Variants in RPGRIP1L observed in about 807,000 individuals in gnomAD.
The protein encoded by RPGRIP1L is RPGRIP1 like.
Under a neutral mutation model 160.4 loss-of-function variants are expected in RPGRIP1L, and 131 were observed. That is an observed-to-expected ratio of 0.82 (90% CI 0.71 to 0.94). The LOEUF (loss-of-function observed/expected upper bound fraction) is 0.94, where lower values mean the gene tolerates loss of function less well. Ranked by LOEUF, RPGRIP1L falls within the 40% of genes least tolerant of loss-of-function variation. RPGRIP1L has a pLI of 0.00. For missense variants in RPGRIP1L, 1,522 were observed against 1,535.8 expected, an observed-to-expected ratio of 0.99 and a Z score of 0.15; for synonymous variants, 510 against 515.8, an observed-to-expected ratio of 0.99 and a Z score of 0.15.
At position 53,656,607 on chromosome 16, in the gene RPGRIP1L, A is replaced by G; in HGVS notation, c.1582-18T>C. The G allele has an allele frequency of 6.9e-7, 1 of 1,453,780 alleles. No individual in the cohort carries two copies. The highest frequency in any genetic ancestry group is 1.1e-5 in the South Asian group (1 of 87,992). The allele number at this position is 1,453,780 out of a possible 1,614,324, so 90.1% of individuals were successfully genotyped here. A position where few individuals can be genotyped will look rare whatever the true frequency, so the allele number is the denominator to read the frequency against. On this transcript the variant is annotated intron_variant, in intron 13 of 26. Transcript: ENST00000647211. ...ACCTCCATCTACAAAATAAGGGAAA[A>G]TAAGTTTTAATACTTATGATTAGTT...
intron 15 of RPGRIP1L, among the ~76,000 whole-genome samples, chr16:53,649,459 T>G (rs1398876486): frequency 6.6e-6 from 1 of 152,176 alleles, no homozygotes; most frequent in Admixed American, 6.5e-5. Context: ...GTATAATACT[T>G]TTTTTAAACA....
intron 10 of RPGRIP1L, chr16:53,659,198 T>C (rs1967548455): frequency 1.0e-6 from 1 of 980,806 alleles, no homozygotes; most frequent in Non-Finnish European, 1.2e-6. Flanking sequence ...TTTCAAAATC[T>C]GTGATTTTTT....
intron 2 of RPGRIP1L, among the ~76,000 whole-genome samples, chr16:53,699,395 A>AAG (rs1279534471): frequency 6.6e-6 from 1 of 151,112 alleles, no homozygotes; most frequent in African/African-American, 2.4e-5. Context: ...ATAAAAAAAA[A>AAG]AAAAAAAAAA....
chr16:53,689,760 T>C (rs1013692955), intron 4 of RPGRIP1L, among the ~76,000 whole-genome samples: 1 of 152,240 alleles, frequency 6.6e-6, no homozygotes, highest in East Asian at 1.9e-4. Flanking sequence ...GTTTTGGTAA[T>C]GATGCTTCAG....
Position 53,665,031 on chromosome 16 carries a change from C to T in RPGRIP1L, c.1104-22G>A, listed in dbSNP as rs1446249081. 5.0e-6 allele frequency: 8 copies of T among 1,613,002 alleles called. 1 individual carries two copies. In the South Asian group the frequency reaches 8.8e-5, roughly 18 times the overall value. On this transcript the variant is annotated intron_variant, in intron 9 of 26. Transcript: ENST00000647211. ...GGCACTGCAAAACACACGTGACATG[C>T]AAGGAAAGCTTGGAAATCAGCTTCA...
chr16:53,692,559 A>T (rs554497782), intron 3 of RPGRIP1L, among the ~76,000 whole-genome samples, 195 bp from the exon 4 acceptor site: 4 of 152,370 alleles, frequency 2.6e-5, no homozygotes, highest in African/African-American at 9.6e-5. Context: ...TCTGCTTTAT[A>T]GCACTGACAA....
At chr16:53,643,577 G>C (rs943258301) in intron 17 of RPGRIP1L, among the ~76,000 whole-genome samples, 3 of 152,146 alleles carry the variant, frequency 2.0e-5, no homozygotes, top group African/African-American at 7.2e-5. Flanking sequence ...ACTGGCTCAA[G>C]GTGTTTAAGC....
intron 9 of RPGRIP1L, among the ~76,000 whole-genome samples, chr16:53,669,428 GA>G (rs1359134887): frequency 6.8e-6 from 1 of 147,808 alleles, no homozygotes; most frequent in Admixed American, 6.7e-5. Context: ...AGTGTGACAG[GA>G]AAAAAATGTT....
chr16:53,610,974 T>C lies in RPGRIP1L; in HGVS notation c.3694A>G (p.Asn1232Asp), dbSNP rs766345950. The C allele has an allele frequency of 1.2e-6, 2 of 1,606,660 alleles. No individual in the cohort carries two copies. Among genetic ancestry groups the C allele is most frequent in the Non-Finnish European group, 8.5e-7 (1 of 1,173,236 alleles). The change falls in exon 25 of 27, where the codon AAT (asparagine) becomes GAT (aspartate). Residue 1232 changes from asparagine (N) to aspartate (D), a missense_variant. Asn to Asp is a conservative substitution (Grantham distance 23). Transcript: ENST00000647211. ...TGGACTGCCAAAACATACCTTCTAT[T>C]AGGCATCTCTTGTTTTTGTAGTATA... ...KAILQKQEMP[N>D]RSLRFTVVSD...
intron 10 of RPGRIP1L, among the ~76,000 whole-genome samples, chr16:53,661,509 AAAG>A (rs1862434456): frequency 6.6e-6 from 1 of 152,158 alleles, no homozygotes; most frequent in Admixed American, 6.5e-5. Context: ...TAGGTAACAA[AAAG>A]AAGGCAAATA....
Position 53,649,092 on chromosome 16 carries a change from A to T in RPGRIP1L, c.2176T>A (p.Phe726Ile), listed in dbSNP as rs780747718. ...LIGTKGDIPN[F>I]GTVEYWFRLR... ...CGGAACCAGTATTCCACTGTGCCAA[A>T]ATTTGGGATGTCTCCTTTTGTTCCT... Residue 726 changes from phenylalanine to isoleucine, a missense_variant, in exon 16 of 27, where the codon TTT (phenylalanine) becomes ATT (isoleucine). By Grantham distance (21) the Phe-to-Ile change is conservative. Transcript: ENST00000647211. 1 of 1,614,096 alleles carries T rather than the reference A, an allele frequency of 6.2e-7. No homozygotes were observed. The highest frequency in any genetic ancestry group is 1.1e-5 in the South Asian group (1 of 91,066).
intron 26 of RPGRIP1L, among the ~76,000 whole-genome samples, chr16:53,602,801 C>T (rs1963453593): frequency 6.6e-6 from 1 of 151,234 alleles, no homozygotes; most frequent in South Asian, 2.1e-4. Context: ...AATTTTTAAG[C>T]TAGTAAGGAG....
At chr16:53,699,710 T>C (rs1971218142) in intron 2 of RPGRIP1L, among the ~76,000 whole-genome samples, 1 of 151,304 alleles carries the variant, frequency 6.6e-6, no homozygotes, top group East Asian at 2.0e-4. Flanking sequence ...CCCAGCTACA[T>C]GGCAGGCTGA....
At chr16:53,611,422 T>C (rs1223859933) in intron 24 of RPGRIP1L, among the ~76,000 whole-genome samples, 1 of 152,228 alleles carries the variant, frequency 6.6e-6, no homozygotes, top group Non-Finnish European at 1.5e-5. Context: ...CAAGTGATAA[T>C]GATAATGTAT....
chr16:53,684,620 A>G (rs1431256902), intron 6 of RPGRIP1L, among the ~76,000 whole-genome samples: 2 of 152,122 alleles, frequency 1.3e-5, no homozygotes, highest in Admixed American at 1.3e-4. Context: ...GAGGGATAAC[A>G]TTAGGAGATA....
rs111978555 is a variant in RPGRIP1L at position 53,612,719 on chromosome 16, A to AT, written c.3617-1669dup. Among the ~76,000 whole-genome samples, 449 of 152,254 alleles carry AT rather than the reference A, an allele frequency of 2.9e-3. 4 individuals are homozygous for AT. The highest frequency in any genetic ancestry group is 0.01 in the African/African-American group (424 of 41,564). ...TTGATAAATTTCAATAGCTTAAATC[A>AT]TTTTTTTATTGTGGTAAAATACACA... On this transcript the variant is annotated intron_variant, in intron 24 of 26. Coordinates refer to ENST00000647211, the MANE Select transcript of RPGRIP1L (RefSeq NM_015272.5).
chr16:53,640,876 A>G (rs527556198), intron 19 of RPGRIP1L, among the ~76,000 whole-genome samples, 157 bp downstream of exon 19: 4 of 152,328 alleles, frequency 2.6e-5, no homozygotes, highest in Admixed American at 2.0e-4. Context: ...GTTAACACTT[A>G]TATATAGTGC....
Position 53,619,172 on chromosome 16 carries a change from T to A in RPGRIP1L, c.3469A>T (p.Ser1157Cys). ...ATGGTTACTTGAGAATCATTAAGGCTTAGAGCTATGATCTCAATCCGAATT... is the reference window on the plus strand; with the variant it reads ...ATGGTTACTTGAGAATCATTAAGGCATAGAGCTATGATCTCAATCCGAATT... ...EKIRIEIIAL[S>C]LNDSQVTMDD... The change falls in exon 24 of 27, where the codon AGC becomes TGC. Residue 1157 changes from serine to cysteine, a missense_variant. Physicochemically the swap from Ser to Cys is moderately radical, Grantham distance 112. Coordinates refer to ENST00000647211, the MANE Select transcript of RPGRIP1L (RefSeq NM_015272.5). 6.2e-7 allele frequency: 1 copy of A among 1,613,874 alleles called. No individual in the cohort carries two copies. The highest frequency in any genetic ancestry group is 8.5e-7 in the Non-Finnish European group (1 of 1,180,018).
intron 22 of RPGRIP1L, 114 bp from the exon 23 acceptor site, chr16:53,622,470 C>T: frequency 2.0e-6 from 1 of 502,574 alleles, no homozygotes; most frequent in Non-Finnish European, 3.5e-6. Context: ...CTCCCCCAAT[C>T]CTATTCATAC....
Sources: gnomAD v4.1 joint callset for allele counts (sites outside exome capture counted in the v4.1 genomes callset) on GRCh38, gnomAD v4.1.1 for gene constraint, MANE v1.5 for transcripts, NCBI Gene and HGNC (gene_info 2026-07-23, HGNC 2026-07-21) for gene names.